Variants in OTOG observed in about 807,000 individuals in gnomAD.
OTOG encodes the protein otogelin.
In OTOG, 296 loss-of-function variants were observed where a neutral mutation model predicts 313.8. The ratio of observed to expected loss-of-function variants is 0.94; its 90% CI spans 0.86 to 1.04. The LOEUF (loss-of-function observed/expected upper bound fraction) is 1.04. Among genes scored for constraint, OTOG ranks in the 50% least tolerant of loss-of-function variants. The probability of loss-of-function intolerance (pLI) is 0.00; values close to 1 mark genes in which losing one functional copy is unlikely to be tolerated. For missense variants in OTOG, 3,948 were observed against 3,840.1 expected (o/e 1.03, Z -0.74); for synonymous variants, 1,533 against 1,554.9 (o/e 0.99, Z 0.33).
Position 17,553,484 on chromosome 11 carries a change from C to T in OTOG, c.505C>T (p.Arg169Cys), listed in dbSNP as rs553286919. The T allele has an allele frequency of 8.3e-5, 121 of 1,452,074 alleles. No individual in the cohort carries two copies. Among genetic ancestry groups the T allele is most frequent in the African/African-American group, 4.1e-4 (29 of 69,936 alleles). The allele number at this position is 1,452,074 out of a possible 1,614,324, so 89.9% of individuals were successfully genotyped here. ...SGKGSYTLVG[R>C]HEPEGQSFSI... The stretch of plus-strand genomic sequence containing the variant: ...AAAGGGCAGCTACACCCTGGTGGGT[C>T]GCCATGAGCCCGAGGGACAGAGCTT... The change falls in exon 6 of 56, where the codon CGC becomes TGC. Residue 169 changes from arginine to cysteine, a missense_variant. Transcript: ENST00000399397.
chr11:17,554,197 T>C (rs2134000031), intron 6 of OTOG, among the ~76,000 whole-genome samples: 1 of 152,296 alleles, frequency 6.6e-6, no homozygotes, highest in South Asian at 2.1e-4. Flanking sequence ...ACCCTGGATC[T>C]CCTGACCTTC....
chr11:17,558,208 G>A lies in OTOG; in HGVS notation c.889G>A (p.Glu297Lys). 1.3e-6 allele frequency: 2 copies of A among 1,550,520 alleles called. No individual in the cohort carries two copies. The highest frequency in any genetic ancestry group is 1.7e-6 in the Non-Finnish European group (2 of 1,146,962). The change falls in exon 9 of 56, where the codon GAG becomes AAG. Residue 297 changes from glutamate (E) to lysine (K), a missense_variant. Glu to Lys is a moderately conservative substitution (Grantham distance 56, BLOSUM62 1). Transcript: ENST00000399397. Reference protein sequence around the residue: ...SSGKLTDDVVEFVHSWQEQAP... With the variant: ...SSGKLTDDVVKFVHSWQEQAP... Reference sequence around the variant, plus strand: ...AGGGAAGCTGACTGACGACGTGGTTGAGTTTGTGCACAGCTGGCAGGAGCA... The same window carrying A: ...AGGGAAGCTGACTGACGACGTGGTTAAGTTTGTGCACAGCTGGCAGGAGCA...
intron 15 of OTOG, among the ~76,000 whole-genome samples, chr11:17,568,418 T>C (rs1852335081): frequency 6.6e-6 from 1 of 152,194 alleles, no homozygotes; most frequent in Non-Finnish European, 1.5e-5. Flanking sequence ...TCTGGTTCAG[T>C]CATATGCTTT....
rs1007053235 is a variant in OTOG at position 17,606,102 on chromosome 11, G to A, written c.4123G>A (p.Val1375Met). The change falls in exon 33 of 56, where the codon GTG (valine) becomes ATG (methionine). Residue 1375 changes from valine (V) to methionine (M), a missense_variant. Val to Met is a conservative substitution (Grantham distance 21, BLOSUM62 1). Transcript: ENST00000399397. ...LALRLYEHTE[V>M]FRRGTLFRLL... ...CCTGCGGCTGTACGAACACACAGAGGTGTTCCGCCGGGGCACACTCTTCCG... is the reference window on the plus strand; with the variant it reads ...CCTGCGGCTGTACGAACACACAGAGATGTTCCGCCGGGGCACACTCTTCCG... 1.3e-6 allele frequency: 2 copies of A among 1,546,154 alleles called. No individual in the cohort carries two copies. Among genetic ancestry groups the A allele is most frequent in the Admixed American group, 2.0e-5 (1 of 50,848 alleles).
In OTOG at chr11:17,609,865, C is replaced by T; in HGVS notation, c.4565C>T (p.Ser1522Phe). 2 of 1,517,910 alleles carry T rather than the reference C, an allele frequency of 1.3e-6. No individual in the cohort carries two copies. Among genetic ancestry groups the T allele is most frequent in the Non-Finnish European group, 1.8e-6 (2 of 1,127,496 alleles). 94.0% of individuals were successfully genotyped at this position (1,517,910 alleles called of 1,614,324 possible). Residue 1522 changes from serine (S) to phenylalanine (F), a missense_variant, in exon 36 of 56, where the codon TCT becomes TTT. By Grantham distance (155) the Ser-to-Phe change is radical. Coordinates refer to ENST00000399397, the MANE Select transcript of OTOG (RefSeq NM_001292063.2). ...ACAGCCACTGAGGAGCCAGTGGTGT[C>T]TCCAGGCCCCACCCAGACCACCCTG... ...PVTATEEPVV[S>F]PGPTQTTLQQ...
chr11:17,636,701 C>A (rs1468634528), intron 47 of OTOG, among the ~76,000 whole-genome samples: 1 of 151,928 alleles, frequency 6.6e-6, no homozygotes, highest in Non-Finnish European at 1.5e-5. Context: ...TATCATTACC[C>A]CTCCCCCTCA....
Position 17,632,125 on chromosome 11 carries a change from A to G in OTOG, c.6971A>G (p.Asp2324Gly). The part of the protein sequence containing the change: ...PESFCELWIR[D>G]TKYVQQPCVA... ...TCATTCTGTGAGCTGTGGATCCGGG[A>G]CACCAAGTACGTGCAGCAGCCCTGC... The change falls in exon 42 of 56, where the codon GAC becomes GGC. Residue 2324 changes from aspartate to glycine, a missense_variant. Transcript: ENST00000399397. 1 of 1,551,060 alleles carries G rather than the reference A, an allele frequency of 6.4e-7. No individual in the cohort carries two copies. The highest frequency in any genetic ancestry group is 8.7e-7 in the Non-Finnish European group (1 of 1,147,008).
intron 25 of OTOG, 144 bp downstream of exon 25, chr11:17,591,732 C>A: frequency 9.1e-7 from 1 of 1,094,584 alleles, no homozygotes; most frequent in Non-Finnish European, 1.3e-6. Flanking sequence ...GGAAGAAGTG[C>A]TGAGGCACAA....
chr11:17,559,899 A>T (rs1852144252), intron 12 of OTOG, among the ~76,000 whole-genome samples: 1 of 99,360 alleles, frequency 1.0e-5, no homozygotes. Flanking sequence ...AGAGGGAGGG[A>T]GGGAGGAAGG....
chr11:17,551,840 C>G (rs185460387), intron 3 of OTOG, among the ~76,000 whole-genome samples, 160 bp from the exon 4 acceptor site: 20 of 152,092 alleles, frequency 1.3e-4, no homozygotes, highest in African/African-American at 4.8e-4. Context: ...TCCTCTGCCT[C>G]TCGAGGGGGC....
chr11:17,617,418 A>T lies in OTOG; in HGVS notation c.6528+3717A>T, dbSNP rs1477795152. ...CCTTAAACATTTGGTAGAATTCAAC[A>T]GTGAAGCCATCTGAGCCTGGATTTT... On this transcript the variant is annotated intron_variant, in intron 39 of 55. Coordinates refer to ENST00000399397, the MANE Select transcript of OTOG (RefSeq NM_001292063.2). 2.6e-5 allele frequency among the ~76,000 whole-genome samples: 4 copies of T among 152,230 alleles called. No homozygotes were observed. The East Asian group carries it at 7.7e-4, about 29-fold the overall frequency.
intron 40 of OTOG, 46 bp downstream of exon 40, chr11:17,629,362 A>C (rs1473695331): frequency 6.7e-7 from 1 of 1,502,140 alleles, no homozygotes; most frequent in Non-Finnish European, 8.9e-7. Context: ...TCCCAGGTCC[A>C]CCTCTGCCCC....
chr11:17,645,322 G>A (rs575328034), intron 54 of OTOG, among the ~76,000 whole-genome samples: 2 of 152,298 alleles, frequency 1.3e-5, no homozygotes, highest in African/African-American at 4.8e-5. Context: ...CCTCAAGGGG[G>A]CCCTGCTGGC....
chr11:17,548,418 CTT>C (rs56402246), intron 3 of OTOG, among the ~76,000 whole-genome samples: 1 of 87,620 alleles, frequency 1.1e-5, no homozygotes, highest in Non-Finnish European at 2.1e-5. Flanking sequence ...ATAGTCCACT[CTT>C]TTTTTTTTTT....
At chr11:17,622,469 A>T (rs546156880) in intron 39 of OTOG, among the ~76,000 whole-genome samples, 8 of 152,012 alleles carry the variant, frequency 5.3e-5, no homozygotes, top group Admixed American at 1.3e-4. Context: ...ACTAAGTCTT[A>T]CTCATTCTTT....
Position 17,641,064 on chromosome 11 carries a change from C to T in OTOG, c.8163C>T (p.Ser2721=), listed in dbSNP as rs747233386. The change falls in exon 51 of 56, where the codon TCC becomes TCT. Residue 2721 remains serine, a synonymous_variant. Coordinates refer to ENST00000399397, the MANE Select transcript of OTOG (RefSeq NM_001292063.2). ...LTNFYQINTT[S]VLCDIHCEAN... ...ACTTCTACCAGATCAACACCACCTC[C>T]GTGCTCTGTGACATCCACTGTGAGG... The T allele has an allele frequency of 6.4e-5, 82 of 1,283,382 alleles. No homozygotes were observed. The highest frequency in any genetic ancestry group is 4.5e-4 in the South Asian group (36 of 80,784). 79.5% of individuals were successfully genotyped at this position (1,283,382 alleles called of 1,614,324 possible).
intron 33 of OTOG, among the ~76,000 whole-genome samples, chr11:17,608,065 T>C (rs552214785): frequency 4.8e-4 from 73 of 152,244 alleles, no homozygotes; most frequent in African/African-American, 1.7e-3. Flanking sequence ...TCCTCAGTCC[T>C]TCCCTGTCCT....
At chr11:17,628,514 T>C (rs187080818) in intron 39 of OTOG, among the ~76,000 whole-genome samples, 2 of 152,338 alleles carry the variant, frequency 1.3e-5, no homozygotes, top group East Asian at 3.9e-4. Context: ...AAAGTGTTTG[T>C]GAGAATTAGA....
At position 17,629,133 on chromosome 11, in the gene OTOG, G is replaced by A; in HGVS notation, c.6529G>A (p.Val2177Met). The A allele has an allele frequency of 6.5e-7, 1 of 1,550,160 alleles. No homozygotes were observed. The highest frequency in any genetic ancestry group is 2.4e-5 in the East Asian group (1 of 40,924). Residue 2177 changes from valine (V) to methionine (M), a missense_variant and splice_region_variant, in exon 40 of 56, where the codon GTG (valine) becomes ATG (methionine). Coordinates refer to ENST00000399397, the MANE Select transcript of OTOG (RefSeq NM_001292063.2). The stretch of plus-strand genomic sequence containing the variant: ...TGCTCACACTGAATTCCCTCCCAAG[G>A]TGACTGTGGACTTGCAGCCTGTGTG... ...QVTIDRFNRK[V>M]TVDLQPVWPP...
Sources: gnomAD v4.1 joint callset for allele counts (sites outside exome capture counted in the v4.1 genomes callset) on GRCh38, gnomAD v4.1.1 for gene constraint, MANE v1.5 for transcripts, NCBI Gene and HGNC (gene_info 2026-07-23, HGNC 2026-07-21) for gene names.